KCNU1: variants seen among roughly 807,000 people sequenced by gnomAD.
KCNU1 encodes the protein potassium channel subfamily U member 1.
In KCNU1, 93 loss-of-function variants were observed where a neutral mutation model predicts 126.8. The ratio of observed to expected loss-of-function variants is 0.73; its 90% confidence interval spans 0.62 to 0.87. KCNU1 has a LOEUF of 0.87. KCNU1 is among the 40% of genes least tolerant of loss of function. KCNU1 has a pLI of 0.00. For synonymous variants in KCNU1, 523 were observed against 494.2 expected, an observed-to-expected ratio of 1.06 and a Z score of -0.77; for missense variants, 1,330 against 1,367.1, an observed-to-expected ratio of 0.97 and a Z score of 0.43.
At chr8:36,889,360 C>T in intron 19 of KCNU1, 2 of 432,810 alleles carry the variant, frequency 4.6e-6, no homozygotes, top group Non-Finnish European at 4.7e-6. Flanking sequence ...TAACTGGCTG[C>T]CACTTGTCAT....
intron 22 of KCNU1, among the ~76,000 whole-genome samples, chr8:36,912,102 AG>A (rs1807896376): frequency 6.6e-6 from 1 of 152,204 alleles, no homozygotes; most frequent in Non-Finnish European, 1.5e-5. Context: ...TATCAAGATC[AG>A]GTACTCAATC....
chr8:36,869,739 T>A (rs1806034900), intron 19 of KCNU1, among the ~76,000 whole-genome samples: 1 of 152,216 alleles, frequency 6.6e-6, no homozygotes, highest in Non-Finnish European at 1.5e-5. Context: ...TCAATTCTTA[T>A]GTAGTGCCTA....
intron 19 of KCNU1, among the ~76,000 whole-genome samples, chr8:36,904,558 A>G (rs1209031096): frequency 6.6e-6 from 1 of 152,192 alleles, no homozygotes; most frequent in Non-Finnish European, 1.5e-5. Flanking sequence ...TCTGGCAGAG[A>G]CAGAAATGCT....
chr8:36,866,004 G>C (rs1034247141), intron 19 of KCNU1, among the ~76,000 whole-genome samples: 4 of 152,004 alleles, frequency 2.6e-5, no homozygotes, highest in African/African-American at 9.7e-5. Context: ...AGAGTGGAAT[G>C]GTGGTTTTCA....
intron 19 of KCNU1, among the ~76,000 whole-genome samples, chr8:36,876,496 C>T (rs1806282628): frequency 6.6e-6 from 1 of 152,160 alleles, no homozygotes. Flanking sequence ...GATTCTATCC[C>T]TCCTTCCAAC....
intron 22 of KCNU1, 38 bp downstream of exon 22, chr8:36,911,157 T>C: frequency 6.7e-7 from 1 of 1,494,816 alleles, no homozygotes; most frequent in Non-Finnish European, 9.1e-7. Flanking sequence ...AACTAGGACG[T>C]ATGGAAAAAA....
intron 22 of KCNU1, among the ~76,000 whole-genome samples, chr8:36,917,339 T>C (rs1309685060): frequency 6.7e-6 from 1 of 149,950 alleles, no homozygotes; most frequent in Non-Finnish European, 1.5e-5. Context: ...ATTTTCCCAT[T>C]TTCCCCACCA....
At chr8:36,812,183 C>T (rs1000148162) in intron 7 of KCNU1, among the ~76,000 whole-genome samples, 1 of 151,998 alleles carries the variant, frequency 6.6e-6, no homozygotes, top group African/African-American at 2.4e-5. Flanking sequence ...AGTTCGAGAC[C>T]AGCCTAGCCG....
intron 18 of KCNU1, among the ~76,000 whole-genome samples, chr8:36,849,743 G>A (rs1805277146): frequency 6.6e-6 from 1 of 152,108 alleles, no homozygotes; most frequent in Non-Finnish European, 1.5e-5. Flanking sequence ...ACATTTGGGT[G>A]GTTTCCACCC....
chr8:36,868,212 G>A (rs1805979671), intron 19 of KCNU1, among the ~76,000 whole-genome samples: 1 of 152,090 alleles, frequency 6.6e-6, no homozygotes, highest in South Asian at 2.1e-4. Flanking sequence ...CTCCCACTTA[G>A]TACCATAGAA....
At chr8:36,916,980 C>G (rs1024079799) in intron 22 of KCNU1, among the ~76,000 whole-genome samples, 1 of 152,146 alleles carries the variant, frequency 6.6e-6, no homozygotes, top group Non-Finnish European at 1.5e-5. Context: ...CCTCTGGAAA[C>G]AAACCTCTCT....
At chr8:36,852,236 T>C (rs569715928) in intron 18 of KCNU1, among the ~76,000 whole-genome samples, 5 of 152,154 alleles carry the variant, frequency 3.3e-5, no homozygotes, top group Admixed American at 6.5e-5. Flanking sequence ...GGTCATAGAA[T>C]AGAATCTTTT....
At chr8:36,929,578 CAAAG>C (rs1808638068) in intron 24 of KCNU1, among the ~76,000 whole-genome samples, 2 of 152,096 alleles carry the variant, frequency 1.3e-5, no homozygotes, top group Non-Finnish European at 2.9e-5. Flanking sequence ...CATGGAATCC[CAAAG>C]AAAGAGAAAT....
At chr8:36,815,050 G>T (rs1803857845) in intron 8 of KCNU1, among the ~76,000 whole-genome samples, 1 of 152,080 alleles carries the variant, frequency 6.6e-6, no homozygotes, top group East Asian at 1.9e-4. Flanking sequence ...TAAAAAGAGG[G>T]CCAGGCACAG....
At chr8:36,930,695 T>A (rs181889852) in intron 24 of KCNU1, among the ~76,000 whole-genome samples, 77 of 152,272 alleles carry the variant, frequency 5.1e-4, no homozygotes, top group Admixed American at 2.0e-3. Context: ...ATTATCCATT[T>A]TCTTCTTCAT....
chr8:36,886,526 G>A (rs1005246204), intron 19 of KCNU1, among the ~76,000 whole-genome samples: 1 of 152,158 alleles, frequency 6.6e-6, no homozygotes, highest in East Asian at 1.9e-4. Context: ...AAAGGAGAAG[G>A]GGTTGAGGTA....
intron 7 of KCNU1, among the ~76,000 whole-genome samples, chr8:36,809,102 A>G (rs1001645330): frequency 2.0e-5 from 3 of 152,148 alleles, no homozygotes; most frequent in African/African-American, 7.2e-5. Flanking sequence ...TCTAGCATTA[A>G]AAAAAGATTA....
intron 2 of KCNU1, among the ~76,000 whole-genome samples, chr8:36,799,464 G>T (rs1039500625): frequency 2.0e-5 from 3 of 150,518 alleles, no homozygotes; most frequent in Non-Finnish European, 4.4e-5. Context: ...TGGGAGGGGG[G>T]GCAGGGTAGA....
intron 18 of KCNU1, among the ~76,000 whole-genome samples, chr8:36,860,629 G>A (rs1015395086): frequency 6.6e-6 from 1 of 152,122 alleles, no homozygotes; most frequent in African/African-American, 2.4e-5. Context: ...ACATGTGATA[G>A]AGTAGAGGGA....
Sources: gnomAD v4.1 joint callset for allele counts (sites outside exome capture counted in the v4.1 genomes callset) on GRCh38, gnomAD v4.1.1 for gene constraint, MANE v1.5 for transcripts, NCBI Gene and HGNC (gene_info 2026-07-23, HGNC 2026-07-21) for gene names.